Variants in CYP2W1 observed in about 807,000 individuals in gnomAD.
CYP2W1 encodes cytochrome P450 family 2 subfamily W member 1.
CYP2W1 carries 51 observed loss-of-function variants against 44.9 expected under a neutral mutation model. That is an observed-to-expected ratio of 1.14 (90% CI 0.91 to 1.43). The LOEUF (loss-of-function observed/expected upper bound fraction) is 1.43, where lower values mean the gene tolerates loss of function less well. Among genes scored for constraint, CYP2W1 ranks in the 40% most tolerant of loss-of-function variants. The pLI, the probability that CYP2W1 is intolerant of heterozygous loss-of-function variation, is 0.00. For missense variants in CYP2W1, 746 were observed against 700.0 expected (o/e 1.07, Z -0.74); for synonymous variants, 383 against 338.3 (o/e 1.13, Z -1.45).
intron 4 of CYP2W1, 139 bp from the exon 5 acceptor site, chr7:986,485 C>T (rs1385060432): frequency 9.2e-6 from 9 of 978,904 alleles, no homozygotes; most frequent in Admixed American, 2.3e-5. Context: ...GCTAAGGGTC[C>T]CCCCGTTCTG....
Position 987,257 on chromosome 7 carries a change from G to A in CYP2W1, c.958+12G>A. 1 of 1,510,296 alleles carries A rather than the reference G, an allele frequency of 6.6e-7. No individual in the cohort carries two copies. Among genetic ancestry groups the A allele is most frequent in the Non-Finnish European group, 8.9e-7 (1 of 1,126,036 alleles). 93.6% of individuals were successfully genotyped at this position (1,510,296 alleles called of 1,614,324 possible). A position where few individuals can be genotyped will look rare whatever the true frequency, so the allele number is the denominator to read the frequency against. On this transcript the variant is annotated intron_variant, in intron 6 of 8. Transcript: ENST00000308919. ...CCCGGACGTGCAGGGTGAGACCCCG[G>A]CGCCTGGCGAGACGGCTCCTTCTGC... is the stretch of plus-strand genomic sequence containing the variant.
chr7:986,931 C>T (rs975791793), intron 5 of CYP2W1, 134 bp downstream of exon 5: 7 of 1,316,018 alleles, frequency 5.3e-6, no homozygotes, highest in Admixed American at 5.9e-5. Context: ...CCTCTCAGAG[C>T]CTCAGTCTCC....
intron 4 of CYP2W1, 68 bp downstream of exon 4, chr7:985,391 G>C: frequency 3.3e-6 from 5 of 1,504,770 alleles, no homozygotes; most frequent in African/African-American, 2.8e-5. Context: ...GCAGGAGGAC[G>C]GGGGCCCCAG....
rs146802034 is a variant in CYP2W1, at chr7:985,296, G to C, written c.618G>C (p.Met206Ile). ...TGCTGGGTCTCATCGATGAGGTCAT[G>C]GTCCTCTTGGGGTCCCCTGGCCTGC... ...VSLLGLIDEV[M>I]VLLGSPGLQL... Residue 206 changes from methionine to isoleucine, a missense_variant, in exon 4 of 9, where the codon ATG becomes ATC. By Grantham distance (10) the Met-to-Ile change is conservative. Transcript: ENST00000308919. 53 of 1,551,402 alleles carry C rather than the reference G, an allele frequency of 3.4e-5. No individual in the cohort carries two copies. The African/African-American group carries it at 7.0e-4, about 20-fold the overall frequency.
chr7:983,799 T>C (rs926249721), intron 1 of CYP2W1, among the ~76,000 whole-genome samples: 1 of 152,192 alleles, frequency 6.6e-6, no homozygotes, highest in Admixed American at 6.5e-5. Context: ...TGAGCCTCTG[T>C]TTCCTCATCT....
At chr7:987,272 G>A in intron 6 of CYP2W1, 27 bp downstream of exon 6, 2 of 1,504,436 alleles carry the variant, frequency 1.3e-6, no homozygotes, top group Non-Finnish European at 1.8e-6. Flanking sequence ...TGGCGAGACG[G>A]CTCCTTCTGC....
chr7:986,917 G>A, intron 5 of CYP2W1, 120 bp downstream of exon 5: 1 of 1,338,616 alleles, frequency 7.5e-7, no homozygotes, highest in Non-Finnish European at 9.9e-7. Flanking sequence ...CTCCTGGCTG[G>A]GGGCCTCTCA....
chr7:987,558 C>A, intron 7 of CYP2W1, 27 bp downstream of exon 7: 1 of 1,495,996 alleles, frequency 6.7e-7, no homozygotes, highest in Non-Finnish European at 8.9e-7. Context: ...CTTGCCCCTT[C>A]CATCTCCTCT....
chr7:987,311 G>T, intron 6 of CYP2W1, 36 bp from the exon 7 acceptor site: 1 of 1,535,920 alleles, frequency 6.5e-7, no homozygotes, highest in Non-Finnish European at 8.8e-7. Context: ...GACGAGGGAT[G>T]GCGCTGCCAC....
At chr7:986,853 C>T in intron 5 of CYP2W1, 56 bp downstream of exon 5, 2 of 1,445,300 alleles carry the variant, frequency 1.4e-6, no homozygotes, top group Non-Finnish European at 1.8e-6. Flanking sequence ...AGGGACACCC[C>T]AGGGGAGCAC....
chr7:987,259 G>T lies in CYP2W1; in HGVS notation c.958+14G>T, dbSNP rs781292506. ...CGGACGTGCAGGGTGAGACCCCGGC[G>T]CCTGGCGAGACGGCTCCTTCTGCCC... On this transcript the variant is annotated intron_variant, in intron 6 of 8. Coordinates refer to ENST00000308919, the MANE Select transcript of CYP2W1 (RefSeq NM_017781.3). The T allele has an allele frequency of 2.0e-6, 3 of 1,508,460 alleles. No individual in the cohort carries two copies. Among genetic ancestry groups the T allele is most frequent in the Non-Finnish European group, 2.7e-6 (3 of 1,125,028 alleles). 93.4% of individuals were successfully genotyped at this position (1,508,460 alleles called of 1,614,324 possible).
chr7:986,435 G>A (rs942394869), intron 4 of CYP2W1, 189 bp from the exon 5 acceptor site: 17 of 652,390 alleles, frequency 2.6e-5, no homozygotes, highest in Non-Finnish European at 4.5e-5. Context: ...CCGGGACACG[G>A]ACAGGGGGTT....
At chr7:984,917 C>T in intron 2 of CYP2W1, 33 bp from the exon 3 acceptor site, 1 of 1,553,006 alleles carries the variant, frequency 6.4e-7, no homozygotes, top group Non-Finnish European at 8.7e-7. Flanking sequence ...GGGGTGGGAA[C>T]CTGGGCTCAC....
intron 6 of CYP2W1, 48 bp downstream of exon 6, chr7:987,293 C>T (rs776149252): frequency 4.0e-6 from 6 of 1,512,114 alleles, no homozygotes; most frequent in Non-Finnish European, 5.3e-6. Flanking sequence ...CCCCGGGGGA[C>T]CCCCAGGGAC....
rs1848218772 is a variant in CYP2W1 at position 985,016 on chromosome 7, G to A, written c.404G>A (p.Ser135Asn). The change falls in exon 3 of 9, where the codon AGC becomes AAC. Residue 135 changes from serine (S) to asparagine (N), a missense_variant. Coordinates refer to ENST00000308919, the MANE Select transcript of CYP2W1 (RefSeq NM_017781.3). ...CAGTTCACGGTGCGTGCCCTGCACA[G>A]CCTGGGCGTGGGCCGGGAGCCGGTG... is the stretch of plus-strand genomic sequence containing the variant. ...ARQFTVRALH[S>N]LGVGREPVAD... 4 of 1,611,980 alleles carry A rather than the reference G, an allele frequency of 2.5e-6. No individual in the cohort carries two copies. Among genetic ancestry groups the A allele is most frequent in the Non-Finnish European group, 3.4e-6 (4 of 1,179,862 alleles).
At chr7:986,451 G>A in intron 4 of CYP2W1, 173 bp from the exon 5 acceptor site, 2 of 703,028 alleles carry the variant, frequency 2.8e-6, no homozygotes, top group Non-Finnish European at 4.7e-6. Flanking sequence ...GGGTTTCCTG[G>A]CAGTTCCTGG....
At position 988,798 on chromosome 7, in the gene CYP2W1, C is replaced by A; in HGVS notation, c.1449C>A (p.Ala483=). Residue 483 remains alanine, a synonymous_variant, in exon 9 of 9, where the codon GCC becomes GCA. Coordinates refer to ENST00000308919, the MANE Select transcript of CYP2W1 (RefSeq NM_017781.3). ...TTACCATGAGGCCGAGGGCCCAGGC[C>A]CTGTGTGCGGTGCCCAGGCCCTAGG... is the stretch of plus-strand genomic sequence containing the variant. ...RAFTMRPRAQ[A]LCAVPRP is the part of the protein sequence containing the mutation. The A allele has an allele frequency of 1.9e-6, 3 of 1,590,232 alleles. No homozygotes were observed. Among genetic ancestry groups the A allele is most frequent in the Non-Finnish European group, 1.7e-6 (2 of 1,174,822 alleles).
At chr7:986,563 C>CT in intron 4 of CYP2W1, 61 bp from the exon 5 acceptor site, 1 of 1,583,188 alleles carries the variant, frequency 6.3e-7, no homozygotes, top group Non-Finnish European at 8.6e-7. Flanking sequence ...CGATCACCGC[C>CT]TGCCCAGCGT....
intron 4 of CYP2W1, 176 bp from the exon 5 acceptor site, chr7:986,448 C>T (rs1848351296): frequency 2.9e-6 from 2 of 694,352 alleles, no homozygotes; most frequent in South Asian, 3.8e-5. Flanking sequence ...AGGGGGTTTC[C>T]TGGCAGTTCC....
Sources: gnomAD v4.1 joint callset for allele counts (sites outside exome capture counted in the v4.1 genomes callset) on GRCh38, gnomAD v4.1.1 for gene constraint, MANE v1.5 for transcripts, NCBI Gene and HGNC (gene_info 2026-07-23, HGNC 2026-07-21) for gene names.